Variants in MAPK10 observed in about 807,000 individuals in gnomAD.
MAPK10 encodes the protein JNK3 alpha protein kinase.
MAPK10 carries 25 observed loss-of-function variants against 59.3 expected under a neutral mutation model. The ratio of observed to expected loss-of-function variants is 0.42; its 90% CI spans 0.31 to 0.59. MAPK10 has a LOEUF of 0.59. MAPK10 is among the 20% of genes least tolerant of loss of function. The probability of loss-of-function intolerance (pLI) is 0.15; values close to 1 mark genes in which losing one functional copy is unlikely to be tolerated. For missense variants in MAPK10, 351 were observed against 568.9 expected (o/e 0.62, Z 3.90); for synonymous variants, 190 against 200.5 (o/e 0.95, Z 0.44).
chr4:86,103,177 G>A lies in MAPK10; in HGVS notation c.425+9C>T, dbSNP rs758849757. On this transcript the variant is annotated intron_variant, in intron 6 of 13. Transcript: ENST00000641462. ...TGCTCTCCCTTCCTTCATGAGTTTTGTTACTTACACATCTTGGAACTCCTC... is the reference window on the plus strand; with the variant it reads ...TGCTCTCCCTTCCTTCATGAGTTTTATTACTTACACATCTTGGAACTCCTC... The A allele has an allele frequency of 6.3e-7, 1 of 1,592,836 alleles. No homozygotes were observed. Among genetic ancestry groups the A allele is most frequent in the South Asian group, 1.1e-5 (1 of 90,680 alleles).
chr4:86,444,015 A>G (rs1205624069), intron 1 of MAPK10, among the ~76,000 whole-genome samples: 6 of 152,012 alleles, frequency 3.9e-5, no homozygotes, highest in African/African-American at 1.5e-4. Flanking sequence ...ATATGTCAAT[A>G]GAAACTGAAA....
intron 2 of MAPK10, among the ~76,000 whole-genome samples, chr4:86,295,626 G>A (rs954317556): frequency 2.6e-5 from 4 of 151,322 alleles, no homozygotes; most frequent in Non-Finnish European, 5.9e-5. Flanking sequence ...AATGTGTACT[G>A]TCTACTATGA....
chr4:86,547,636 T>C (rs1383029777), intron 1 of MAPK10, among the ~76,000 whole-genome samples: 1 of 152,174 alleles, frequency 6.6e-6, no homozygotes, highest in Non-Finnish European at 1.5e-5. Context: ...GGCTGAGGAA[T>C]GCCGGCGGCA....
chr4:86,111,686 T>G (rs2057504999), intron 4 of MAPK10, among the ~76,000 whole-genome samples: 1 of 152,284 alleles, frequency 6.6e-6, no homozygotes, highest in Non-Finnish European at 1.5e-5. Context: ...GCCTGAAGTT[T>G]TCTTTTTTTT....
At chr4:86,403,890 A>G (rs565661884) in intron 1 of MAPK10, among the ~76,000 whole-genome samples, 1 of 152,262 alleles carries the variant, frequency 6.6e-6, no homozygotes, top group South Asian at 2.1e-4. Context: ...ACACAGATCT[A>G]AACCATATCA....
intron 4 of MAPK10, among the ~76,000 whole-genome samples, chr4:86,143,518 G>C (rs189086062): frequency 2.6e-5 from 4 of 152,316 alleles, no homozygotes; most frequent in African/African-American, 9.6e-5. Flanking sequence ...GTGGAAGAGA[G>C]AAGTGTTCAA....
intron 1 of MAPK10, among the ~76,000 whole-genome samples, chr4:86,356,043 TCACACACA>T (rs34547847): frequency 3.4e-5 from 5 of 149,214 alleles, no homozygotes; most frequent in South Asian, 2.2e-4. Flanking sequence ...TTGTTTTTCT[TCACACACA>T]CACACACACA....
chr4:86,247,335 G>C (rs2093161169), intron 2 of MAPK10, among the ~76,000 whole-genome samples: 1 of 152,160 alleles, frequency 6.6e-6, no homozygotes, highest in Non-Finnish European at 1.5e-5. Flanking sequence ...ATCCTAAATA[G>C]TTAACAATCA....
chr4:86,473,333 G>T (rs748731022), intron 1 of MAPK10, among the ~76,000 whole-genome samples: 1 of 152,118 alleles, frequency 6.6e-6, no homozygotes, highest in Non-Finnish European at 1.5e-5. Context: ...AGAGCAGCAG[G>T]ATTGAATTTT....
At chr4:86,483,094 C>A (rs767531385) in intron 1 of MAPK10, among the ~76,000 whole-genome samples, 4 of 152,178 alleles carry the variant, frequency 2.6e-5, no homozygotes, top group Non-Finnish European at 4.4e-5. Flanking sequence ...CTCTCTTCCT[C>A]TTCTACCGTC....
chr4:86,401,503 G>A (rs1001738321), intron 1 of MAPK10, among the ~76,000 whole-genome samples: 2 of 152,108 alleles, frequency 1.3e-5, no homozygotes, highest in African/African-American at 4.8e-5. Flanking sequence ...ACTGCCACAA[G>A]ATAAATTTCT....
chr4:86,367,656 T>TA lies in MAPK10; in HGVS notation c.-121-13013_-121-13012insT, dbSNP rs1334098964. ...TTCTTATGTAGCAAGCATTTGTTTTTTTTTTTGTTTTGTTTTGTTTTTTTT... is the reference window on the plus strand; with the variant it reads ...TTCTTATGTAGCAAGCATTTGTTTTTATTTTTTGTTTTGTTTTGTTTTTTTT... On this transcript the variant is annotated intron_variant, in intron 1 of 13. Coordinates refer to the MAPK10 transcript ENST00000361569. Among the ~76,000 whole-genome samples the TA allele has an allele frequency of 3.0e-4, 45 of 152,264 alleles. 1 individual carries two copies. The highest frequency in any genetic ancestry group is 1.1e-3 in the African/African-American group (45 of 41,560).
At chr4:86,376,688 C>T (rs992440142) in intron 1 of MAPK10, among the ~76,000 whole-genome samples, 2 of 152,112 alleles carry the variant, frequency 1.3e-5, no homozygotes, top group Non-Finnish European at 2.9e-5. Flanking sequence ...ATGATAGTTG[C>T]CTAAGTTTTC....
At chr4:86,548,696 C>T (rs1318838522) in intron 1 of MAPK10, among the ~76,000 whole-genome samples, 1 of 152,112 alleles carries the variant, frequency 6.6e-6, no homozygotes, top group Non-Finnish European at 1.5e-5. Flanking sequence ...TCTTTATATA[C>T]TTTGGCTCAG....
chr4:86,553,471 T>C (rs962825748), intron 1 of MAPK10, among the ~76,000 whole-genome samples: 1 of 152,154 alleles, frequency 6.6e-6, no homozygotes, highest in African/African-American at 2.4e-5. Context: ...GAAAATATGC[T>C]TTGCTTACTG....
chr4:86,208,329 A>C (rs185564488), intron 2 of MAPK10, among the ~76,000 whole-genome samples: 10,105 of 146,832 alleles, frequency 0.069, 830 homozygotes, highest in African/African-American at 0.2. Flanking sequence ...ACATTGATGC[A>C]AAAATACTCA....
At position 86,054,236 on chromosome 4, in the gene MAPK10, A is replaced by G. The variant is rs1266728642; in HGVS notation, c.1110+10030T>C. On this transcript the variant is annotated intron_variant, in intron 11 of 13. Coordinates refer to ENST00000641462, the MANE Select transcript of MAPK10 (RefSeq NM_138982.4). ...TAGAACTTGCTAAAATTAGAGATAAATGAGTTACATATTTTCAGTGAAATA... is the reference window on the plus strand; with the variant it reads ...TAGAACTTGCTAAAATTAGAGATAAGTGAGTTACATATTTTCAGTGAAATA... 2.0e-5 allele frequency among the ~76,000 whole-genome samples: 3 copies of G among 152,184 alleles called. No individual in the cohort carries two copies. The South Asian group carries it at 6.2e-4, about 31-fold the overall frequency.
In MAPK10 at chr4:86,532,086, A is replaced by G. The variant is rs568081756; in HGVS notation, c.-263+61824T>C. Among the ~76,000 whole-genome samples the G allele has an allele frequency of 8.1e-5, 12 of 147,594 alleles. No individual in the cohort carries two copies. The East Asian group carries it at 2.2e-3, about 26-fold the overall frequency. On this transcript the variant is annotated intron_variant, in intron 1 of 4. Coordinates refer to the MAPK10 transcript ENST00000502302. ...ATATATTATTTTTATATATATACAT[A>G]TATATATACATACATATATATATAA...
chr4:86,020,725 A>C (rs1380459932), intron 13 of MAPK10: 3 of 153,546 alleles, frequency 2.0e-5, no homozygotes, highest in African/African-American at 7.3e-5. Flanking sequence ...ACAGCTCTTA[A>C]GGCAGCGAGT....
Sources: allele counts gnomAD v4.1 joint callset (sites outside exome capture counted in the v4.1 genomes callset), GRCh38; gene constraint gnomAD v4.1.1; transcripts MANE v1.5; gene names NCBI Gene and HGNC (gene_info 2026-07-23, HGNC 2026-07-21).